Variants in ARSL observed in about 807,000 individuals in gnomAD.
ARSL encodes arylsulfatase E (chondrodysplasia punctata 1).
Under a neutral mutation model 31.1 loss-of-function variants are expected in ARSL, and 4 were observed. The observed-to-expected ratio is 0.13, with a 90% CI of 0.06 to 0.29. The LOEUF is 0.29. Ranked by LOEUF, ARSL falls within the 10% of genes least tolerant of loss-of-function variation. The pLI, the probability that ARSL is intolerant of heterozygous loss-of-function variation, is 1.00. For missense variants in ARSL, 312 were observed against 497.8 expected (o/e 0.63, Z 3.55); for synonymous variants, 198 against 209.9 (o/e 0.94, Z 0.49).
chrX:2,945,721 C>T (rs1476095635), intron 7 of ARSL, among the ~76,000 whole-genome samples: 2 of 111,428 alleles, frequency 1.8e-5, no homozygotes, highest in Non-Finnish European at 3.8e-5. Context: ...GTCTCTGCAG[C>T]CATTATTCTG....
chrX:2,960,485 CAGTA>C lies in ARSL; in HGVS notation c.-20-69_-20-66del, dbSNP rs1436154414. 1.2e-5 allele frequency: 13 copies of C among 1,096,461 alleles called. No homozygotes were observed. In the South Asian group the frequency reaches 1.7e-4, roughly 15 times the overall value. The allele number at this position is 1,096,461 out of a possible 1,213,427, so 90.4% of individuals were successfully genotyped here. On this transcript the variant is annotated intron_variant, in intron 1 of 10. Transcript: ENST00000381134. ...GAAATTGACCTGATTATAAATAAAA[CAGTA>C]AGTAAGTAATTAGGGGAACTTTGAT...
rs774019385 is a variant in ARSL at position 2,943,165 on chromosome X, C to T, written c.1026G>A (p.Leu342=). The stretch of plus-strand genomic sequence containing the variant: ...TAAAATAAATGAGGGTGCTGTTGCT[C>T]AAACCCTCCACGTCCAAAGTGTCAA... ...RILDTLDVEG[L]SNSTLIYFTS... The change falls in exon 8 of 11, where the codon TTG becomes TTA. Residue 342 remains leucine, a synonymous_variant. Coordinates refer to ENST00000381134, the MANE Select transcript of ARSL (RefSeq NM_000047.3). 20 of 1,209,117 alleles carry T rather than the reference C, an allele frequency of 1.7e-5. No individual in the cohort carries two copies. The East Asian group carries it at 5.6e-4, about 34-fold the overall frequency.
chrX:2,950,182 G>A (rs1026988554), intron 5 of ARSL, among the ~76,000 whole-genome samples: 1 of 111,339 alleles, frequency 9.0e-6, no homozygotes, highest in African/African-American at 3.3e-5. Flanking sequence ...CCATGGCGTT[G>A]TCCTCTGTGT....
chrX:2,942,892 C>T, intron 8 of ARSL, among the ~76,000 whole-genome samples, 173 bp downstream of exon 8: 1 of 111,261 alleles, frequency 9.0e-6, no homozygotes, highest in East Asian at 2.8e-4. Flanking sequence ...TCAGTTTGGT[C>T]CAGGAACAAA....
chrX:2,967,590 T>C (rs1407796744), upstream of ARSL, among the ~76,000 whole-genome samples: 6 of 111,275 alleles, frequency 5.4e-5, no homozygotes, highest in Non-Finnish European at 9.4e-5. Flanking sequence ...GAATTTAAAA[T>C]AAAACAAAAT....
chrX:2,951,835 C>A (rs1379665550), intron 5 of ARSL, among the ~76,000 whole-genome samples: 1 of 103,798 alleles, frequency 9.6e-6, no homozygotes, highest in African/African-American at 3.5e-5. Flanking sequence ...AAAAAATACA[C>A]CTTTGTTTGA....
At chrX:2,936,401 T>G (rs1569098011) in intron 10 of ARSL, among the ~76,000 whole-genome samples, 1 of 111,424 alleles carries the variant, frequency 9.0e-6, no homozygotes, top group Non-Finnish European at 1.9e-5. Context: ...TGTGTATGCA[T>G]GCACATACGT....
At chrX:2,957,768 C>T (rs1472502883) in intron 3 of ARSL, among the ~76,000 whole-genome samples, 3 of 108,974 alleles carry the variant, frequency 2.8e-5, no homozygotes, top group African/African-American at 1.0e-4. Flanking sequence ...ATCTGCAATA[C>T]CAGCACTTTG....
chrX:2,943,170 C>T lies in ARSL; in HGVS notation c.1021G>A (p.Gly341Ser). The change falls in exon 8 of 11, where the codon GGT becomes AGT. Residue 341 changes from glycine to serine, a missense_variant. By Grantham distance (56) the Gly-to-Ser change is moderately conservative. Transcript: ENST00000381134. ...GRILDTLDVE[G>S]LSNSTLIYFT... ...TAAATGAGGGTGCTGTTGCTCAAACCCTCCACGTCCAAAGTGTCAAGGATC... is the reference window on the plus strand; with the variant it reads ...TAAATGAGGGTGCTGTTGCTCAAACTCTCCACGTCCAAAGTGTCAAGGATC... The T allele has an allele frequency of 8.3e-7, 1 of 1,210,950 alleles. No individual in the cohort carries two copies.
chrX:2,938,296 C>G, intron 8 of ARSL, 39 bp from the exon 9 acceptor site: 1 of 1,200,555 alleles, frequency 8.3e-7, no homozygotes, highest in African/African-American at 1.7e-5. Context: ...GGTTAAAAAC[C>G]AGAAATAGAT....
upstream of ARSL, among the ~76,000 whole-genome samples, chrX:2,965,038 G>A (rs766303802): frequency 9.1e-6 from 1 of 110,330 alleles, no homozygotes; most frequent in Admixed American, 9.7e-5. Context: ...CTGGGAGGTT[G>A]AAGCTGCAGT....
chrX:2,953,599 C>A (rs765525221), intron 4 of ARSL, among the ~76,000 whole-genome samples: 1 of 112,084 alleles, frequency 8.9e-6, no homozygotes, highest in Non-Finnish European at 1.9e-5. Context: ...GTCGTCCAGG[C>A]TGGAATGCAG....
intron 8 of ARSL, among the ~76,000 whole-genome samples, chrX:2,939,418 C>CTTTAATATATATTTAATAATATAAATGT (rs1281494163): frequency 1.8e-5 from 2 of 111,988 alleles, no homozygotes; most frequent in African/African-American, 6.5e-5. Flanking sequence ...TAAAGCTCCG[C>CTTTAATATATATTTAATAATATAAATGT]CAGTTTATAA....
intron 8 of ARSL, among the ~76,000 whole-genome samples, chrX:2,941,785 G>A (rs181717810): frequency 5.2e-4 from 58 of 111,856 alleles, no homozygotes; most frequent in Admixed American, 1.7e-3. Flanking sequence ...TGACCATCTT[G>A]GGCACACGTT....
chrX:2,935,706 T>TA (rs2089190928), intron 10 of ARSL, among the ~76,000 whole-genome samples: 1 of 89,666 alleles, frequency 1.1e-5, no homozygotes, highest in Non-Finnish European at 2.5e-5. Context: ...TTTTTTTTTT[T>TA]TATTTGAGAC....
upstream of ARSL, chrX:2,968,039 A>G (rs948597900): frequency 2.2e-6 from 2 of 914,812 alleles, no homozygotes; most frequent in African/African-American, 3.9e-5. Flanking sequence ...TAAAACATTG[A>G]CAGGGACTTG....
chrX:2,941,779 C>T (rs1314222972), intron 8 of ARSL, among the ~76,000 whole-genome samples: 3 of 111,926 alleles, frequency 2.7e-5, no homozygotes, highest in Non-Finnish European at 5.6e-5. Flanking sequence ...GCGCCTTGAC[C>T]ATCTTGGGCA....
At chrX:2,956,424 C>T (rs1194335528) in intron 3 of ARSL, among the ~76,000 whole-genome samples, 2 of 111,444 alleles carry the variant, frequency 1.8e-5, no homozygotes, top group Admixed American at 1.9e-4. Context: ...TGGTCTTCTG[C>T]TTACAGGCAA....
rs755064045 is a variant in ARSL at position 2,949,381 on chromosome X, G to A, written c.777C>T (p.His259=). The A allele has an allele frequency of 8.3e-7, 1 of 1,211,625 alleles. No individual in the cohort carries two copies. The highest frequency in any genetic ancestry group is 1.1e-6 in the Non-Finnish European group (1 of 895,533). ...AGCACATGGGCTGCTCCGTGATGGT[G>A]TGGTTTCTCATCAGAAAGCAATCGG... ...VHADCFLMRN[H]TITEQPMCFQ... is the part of the protein sequence containing the mutation. Residue 259 remains histidine, a synonymous_variant, in exon 6 of 11, where the codon CAC becomes CAT. Transcript: ENST00000381134.
Sources: gnomAD v4.1 joint callset for allele counts (sites outside exome capture counted in the v4.1 genomes callset) on GRCh38, gnomAD v4.1.1 for gene constraint, MANE v1.5 for transcripts, NCBI Gene and HGNC (gene_info 2026-07-23, HGNC 2026-07-21) for gene names.